Variants in DPYD observed in about 807,000 individuals in gnomAD.
DPYD encodes dihydropyrimidine dehydrogenase [NADP(+)].
DPYD carries 109 observed loss-of-function variants against 116.2 expected under a neutral mutation model. The observed-to-expected ratio is 0.94, with a 90% CI of 0.80 to 1.10. DPYD has a LOEUF of 1.10. Ranked by LOEUF, DPYD falls within the 50% of genes least tolerant of loss-of-function variation. The pLI is 0.00. For missense variants in DPYD, 1,302 were observed against 1,254.5 expected, an observed-to-expected ratio of 1.04 and a Z score of -0.57; for synonymous variants, 440 against 432.0, an observed-to-expected ratio of 1.02 and a Z score of -0.23.
intron 4 of DPYD, among the ~76,000 whole-genome samples, chr1:97,734,844 AAGTCTG>A (rs1157500871): frequency 4.6e-5 from 7 of 152,150 alleles, no homozygotes; most frequent in Non-Finnish European, 1.0e-4. Context: ...GGCCCACCTA[AAGTCTG>A]AGTCTAACAT....
chr1:97,360,120 C>T (rs895911111), intron 16 of DPYD, among the ~76,000 whole-genome samples: 13 of 150,682 alleles, frequency 8.6e-5, no homozygotes, highest in African/African-American at 3.2e-4. Context: ...ATCTACCAAG[C>T]AAATGGAAAG....
intron 13 of DPYD, among the ~76,000 whole-genome samples, chr1:97,481,329 A>G (rs994556496): frequency 8.5e-5 from 13 of 152,164 alleles, no homozygotes; most frequent in Admixed American, 1.3e-4. Context: ...GCAGGGAGGG[A>G]TGCTATCTTA....
chr1:97,102,838 T>C (rs1438218175), intron 20 of DPYD, among the ~76,000 whole-genome samples: 1 of 152,006 alleles, frequency 6.6e-6, no homozygotes, highest in East Asian at 1.9e-4. Context: ...TACCTGGTTG[T>C]TGCAGTTATC....
chr1:97,741,856 T>C (rs755116249), intron 3 of DPYD, among the ~76,000 whole-genome samples: 1 of 151,778 alleles, frequency 6.6e-6, no homozygotes, highest in African/African-American at 2.4e-5. Flanking sequence ...TGGAGGGAGG[T>C]TGTCAGGACA....
chr1:97,599,315 T>G (rs764110425), intron 8 of DPYD, among the ~76,000 whole-genome samples: 1 of 152,134 alleles, frequency 6.6e-6, no homozygotes, highest in African/African-American at 2.4e-5. Context: ...AACAGCAGTA[T>G]ATATAGTAAA....
At chr1:97,457,793 T>G (rs1208142043) in intron 13 of DPYD, among the ~76,000 whole-genome samples, 3 of 152,192 alleles carry the variant, frequency 2.0e-5, no homozygotes, top group African/African-American at 4.8e-5. Context: ...TTTAAGGAGT[T>G]CAAACTTTTT....
intron 18 of DPYD, among the ~76,000 whole-genome samples, chr1:97,254,334 A>G (rs1442583959): frequency 6.6e-6 from 1 of 152,176 alleles, no homozygotes; most frequent in Non-Finnish European, 1.5e-5. Flanking sequence ...AGTTGCTATT[A>G]ATTCTAAAAA....
intron 19 of DPYD, among the ~76,000 whole-genome samples, chr1:97,196,026 C>T (rs957892123): frequency 6.6e-6 from 1 of 151,928 alleles, no homozygotes; most frequent in East Asian, 1.9e-4. Flanking sequence ...AGCCAGGTCA[C>T]ATTTCTAAGA....
chr1:97,828,039 T>A lies in DPYD; in HGVS notation c.233+75A>T, dbSNP rs1222623495. The A allele has an allele frequency of 2.1e-6, 3 of 1,405,024 alleles. No individual in the cohort carries two copies. The South Asian group carries it at 3.5e-5, about 16-fold the overall frequency. The allele number at this position is 1,405,024 out of a possible 1,614,324, so 87.0% of individuals were successfully genotyped here. A position where few individuals can be genotyped will look rare whatever the true frequency, so the allele number is the denominator to read the frequency against. Reference sequence around the variant, plus strand: ...GAGCTGAATGGTGGCAATGAACTCATTTGTTCCCCAAATAATGAAGAATGA... The same window carrying A: ...GAGCTGAATGGTGGCAATGAACTCAATTGTTCCCCAAATAATGAAGAATGA... On this transcript the variant is annotated intron_variant, in intron 3 of 22. Transcript: ENST00000370192.
At chr1:97,718,422 A>T (rs1662736692) in intron 5 of DPYD, among the ~76,000 whole-genome samples, 1 of 151,976 alleles carries the variant, frequency 6.6e-6, no homozygotes, top group Admixed American at 6.6e-5. Context: ...ATATATCATA[A>T]GATGGTATAT....
At chr1:97,236,646 C>A (rs1431297916) in intron 18 of DPYD, among the ~76,000 whole-genome samples, 1 of 151,986 alleles carries the variant, frequency 6.6e-6, no homozygotes, top group Non-Finnish European at 1.5e-5. Context: ...TGTTGTTATA[C>A]ATTTACACAC....
At chr1:97,166,122 G>A (rs1363501372) in intron 20 of DPYD, among the ~76,000 whole-genome samples, 6 of 152,136 alleles carry the variant, frequency 3.9e-5, no homozygotes, top group East Asian at 1.9e-4. Flanking sequence ...ATAAAGATAC[G>A]TGTCCACATA....
intron 20 of DPYD, among the ~76,000 whole-genome samples, chr1:97,157,024 A>C (rs1459777638): frequency 6.7e-6 from 1 of 148,922 alleles, no homozygotes; most frequent in Non-Finnish European, 1.5e-5. Context: ...AGAACAAAAA[A>C]CCAAACACCG....
chr1:97,887,289 G>C (rs1035160171), intron 1 of DPYD, among the ~76,000 whole-genome samples: 4 of 151,534 alleles, frequency 2.6e-5, no homozygotes, highest in African/African-American at 9.7e-5. Context: ...GGGCAACACA[G>C]TGAATCCCCA....
intron 7 of DPYD, among the ~76,000 whole-genome samples, chr1:97,685,608 T>C (rs1037239402): frequency 6.6e-6 from 1 of 151,834 alleles, no homozygotes; most frequent in Non-Finnish European, 1.5e-5. Flanking sequence ...ATCAGCCCAA[T>C]AGGTTAAGTT....
At chr1:97,627,420 C>T (rs1296418321) in intron 8 of DPYD, among the ~76,000 whole-genome samples, 1 of 152,060 alleles carries the variant, frequency 6.6e-6, no homozygotes, top group Non-Finnish European at 1.5e-5. Flanking sequence ...GCCTAATCCC[C>T]AGTGTTCCAT....
intron 19 of DPYD, among the ~76,000 whole-genome samples, chr1:97,231,415 C>G (rs150681215): frequency 6.6e-6 from 1 of 152,148 alleles, no homozygotes; most frequent in South Asian, 2.1e-4. Flanking sequence ...ACTCACAGTT[C>G]CACATGGCTG....
chr1:97,773,825 C>T (rs748774509), intron 3 of DPYD, among the ~76,000 whole-genome samples: 28 of 152,186 alleles, frequency 1.8e-4, no homozygotes, highest in Non-Finnish European at 3.2e-4. Flanking sequence ...CAGTTACTTC[C>T]ACCACTCAAT....
At chr1:97,657,271 T>C (rs1281403906) in intron 8 of DPYD, among the ~76,000 whole-genome samples, 1 of 152,098 alleles carries the variant, frequency 6.6e-6, no homozygotes, top group African/African-American at 2.4e-5. Flanking sequence ...GCCCAGCCTG[T>C]ATTCTTTAGG....
Sources: allele counts gnomAD v4.1 joint callset (sites outside exome capture counted in the v4.1 genomes callset), GRCh38; gene constraint gnomAD v4.1.1; transcripts MANE v1.5; gene names NCBI Gene and HGNC (gene_info 2026-07-23, HGNC 2026-07-21).